VWDE: variants seen among roughly 807,000 people sequenced by gnomAD.
VWDE encodes the protein von Willebrand factor D and EGF domain-containing protein.
Under a neutral mutation model 178.4 loss-of-function variants are expected in VWDE, and 207 were observed. That is an observed-to-expected ratio of 1.16 (90% CI 1.04 to 1.30). The LOEUF (loss-of-function observed/expected upper bound fraction) is 1.30. Among genes scored for constraint, VWDE ranks in the 50% most tolerant of loss-of-function variants. The probability of loss-of-function intolerance (pLI) is 0.00; values close to 1 mark genes in which losing one functional copy is unlikely to be tolerated. For synonymous variants in VWDE, 738 were observed against 651.4 expected (o/e 1.13, Z -2.02); for missense variants, 2,287 against 1,901.3 (o/e 1.20, Z -3.77).
rs1783297777 is a variant in VWDE, at chr7:12,373,033, G to A, written c.1531C>T (p.Gln511Ter). ...ATCTTGATATTCCTGGTTACATCTTGGCTTTTTATGAACAAATATGGTTGT... is the reference window on the plus strand; with the variant it reads ...ATCTTGATATTCCTGGTTACATCTTAGCTTTTTATGAACAAATATGGTTGT... ...ESQPYLFIKS[Q>*]DVTRNIKISE... Residue 511 changes from glutamine (Q) to a stop codon, truncating the protein, a stop_gained, in exon 10 of 29, where the codon CAA (glutamine) becomes TAA (stop). Coordinates refer to ENST00000275358, the MANE Select transcript of VWDE (RefSeq NM_001135924.3). LOFTEE classifies it high-confidence loss of function. 1 of 1,551,140 alleles carries A rather than the reference G, an allele frequency of 6.4e-7. No individual in the cohort carries two copies. The highest frequency in any genetic ancestry group is 8.7e-7 in the Non-Finnish European group (1 of 1,146,648).
chr7:12,380,786 G>A lies in VWDE; in HGVS notation c.542-53C>T, dbSNP rs1322869205. On this transcript the variant is annotated intron_variant, in intron 4 of 28. Transcript: ENST00000275358. ...TGGGAATCTTAGACAATGGAGACTGGCTTATGGAAAAAGCACTCAAAGACT... is the reference window on the plus strand; with the variant it reads ...TGGGAATCTTAGACAATGGAGACTGACTTATGGAAAAAGCACTCAAAGACT... 2.6e-6 allele frequency: 4 copies of A among 1,532,108 alleles called. No individual in the cohort carries two copies. The South Asian group carries it at 3.7e-5, about 14-fold the overall frequency. 94.9% of individuals were successfully genotyped at this position (1,532,108 alleles called of 1,614,324 possible). A position where few individuals can be genotyped will look rare whatever the true frequency, so the allele number is the denominator to read the frequency against.
intron 18 of VWDE, chr7:12,354,237 C>T (rs980832169): frequency 2.2e-5 from 7 of 322,340 alleles, no homozygotes; most frequent in East Asian, 8.6e-5. Context: ...CAATGCATGA[C>T]ACTTAATGCA....
At chr7:12,399,397 C>G (rs1055362422) in intron 1 of VWDE, among the ~76,000 whole-genome samples, 4 of 152,070 alleles carry the variant, frequency 2.6e-5, no homozygotes, top group African/African-American at 7.2e-5. Flanking sequence ...GTAAACATAA[C>G]TGAACCTAAT....
rs1418290268 is a variant in VWDE, at chr7:12,374,699, ATG to A, written c.1304_1305del (p.Thr435IlefsTer2). 1 of 1,534,396 alleles carries A rather than the reference ATG, an allele frequency of 6.5e-7. No homozygotes were observed. Among genetic ancestry groups the A allele is most frequent in the Non-Finnish European group, 8.8e-7 (1 of 1,140,300 alleles). On this transcript the variant is annotated frameshift_variant, in exon 9 of 29. Transcript: ENST00000275358. LOFTEE classifies it high-confidence loss of function. ...CTTTCAGAAAATTACCTGCCATCAA[ATG>A]TAATTATATGTGGGTCAGTAAATGT... ...CYTFTDPHII[T>X]FDGRVYDNFK...
rs768977517 is a variant in VWDE at position 12,373,251 on chromosome 7, TC to T, written c.1317-5del. ...AGTCTTGAAATTATCATATACCCTA[TC>T]ATTAACAAAAGGCAATTGCATTAAA... is the stretch of plus-strand genomic sequence containing the variant. On this transcript the variant is annotated splice_region_variant and splice_polypyrimidine_tract_variant and intron_variant, in intron 9 of 28. Transcript: ENST00000275358. The T allele has an allele frequency of 8.4e-6, 13 of 1,548,696 alleles. No homozygotes were observed.
intron 18 of VWDE, among the ~76,000 whole-genome samples, chr7:12,355,887 A>T (rs1195904485): frequency 6.6e-6 from 1 of 152,186 alleles, no homozygotes; most frequent in African/African-American, 2.4e-5. Context: ...AGGTTCCTAC[A>T]TTGCTATAAC....
chr7:12,370,066 T>A lies in VWDE; in HGVS notation c.2240A>T (p.Gln747Leu). The A allele has an allele frequency of 1.3e-6, 2 of 1,551,572 alleles. No homozygotes were observed. The highest frequency in any genetic ancestry group is 1.2e-5 in the South Asian group (1 of 84,066). Residue 747 changes from glutamine (Q) to leucine (L), a missense_variant, in exon 12 of 29, where the codon CAA (glutamine) becomes CTA (leucine). Transcript: ENST00000275358. ...SHSQEMRYNR[Q>L]NRWKRQNFHE... ...AAAGTTCTGCCGTTTCCATCTGTTT[T>A]GTCGATTGTACCTCATTTCTTGGCT...
chr7:12,397,677 G>A (rs1037022550), intron 1 of VWDE, among the ~76,000 whole-genome samples: 3 of 152,052 alleles, frequency 2.0e-5, no homozygotes, highest in Admixed American at 2.0e-4. Context: ...TCTGAAAAAG[G>A]TCTAATATCC....
intron 24 of VWDE, among the ~76,000 whole-genome samples, chr7:12,339,775 C>G (rs905098887): frequency 5.3e-5 from 8 of 152,072 alleles, no homozygotes; most frequent in South Asian, 2.1e-4. Flanking sequence ...CTCAAGACAT[C>G]CCCATTATTC....
intron 23 of VWDE, 139 bp downstream of exon 23, chr7:12,341,920 A>G (rs542020219): frequency 2.1e-4 from 123 of 578,918 alleles, no homozygotes; most frequent in African/African-American, 1.9e-3. Flanking sequence ...AGTTTTAAAA[A>G]TCTGTCTGAA....
At chr7:12,387,866 T>C (rs1288616571) in intron 3 of VWDE, among the ~76,000 whole-genome samples, 2 of 151,056 alleles carry the variant, frequency 1.3e-5, no homozygotes, top group Non-Finnish European at 1.5e-5. Flanking sequence ...GGTAACTAAA[T>C]TGGGGTTTGA....
intron 16 of VWDE, 134 bp from the exon 17 acceptor site, chr7:12,357,649 T>A: frequency 2.0e-6 from 2 of 1,020,412 alleles, no homozygotes; most frequent in Non-Finnish European, 2.8e-6. Flanking sequence ...TGCTTTCATT[T>A]TTTTTTTTAA....
Position 12,374,917 on chromosome 7 carries a change from A to G in VWDE, c.1242+93T>C, listed in dbSNP as rs1460698706. 22 of 1,312,130 alleles carry G rather than the reference A, an allele frequency of 1.7e-5. No homozygotes were observed. The African/African-American group carries it at 1.8e-4, about 11-fold the overall frequency. The allele number at this position is 1,312,130 out of a possible 1,614,324, so 81.3% of individuals were successfully genotyped here. ...CATTTAAAAACTAATTTACCAAAAA[A>G]TTTTTTACATAAAAAGTTTATAAGA... is the stretch of plus-strand genomic sequence containing the variant. On this transcript the variant is annotated intron_variant, in intron 8 of 28. Transcript: ENST00000275358.
At chr7:12,341,434 C>A (rs1386963652) in intron 23 of VWDE, among the ~76,000 whole-genome samples, 2 of 152,018 alleles carry the variant, frequency 1.3e-5, no homozygotes, top group African/African-American at 2.4e-5. Flanking sequence ...GAGTTTGAGA[C>A]CAGTCTGACC....
chr7:12,356,394 A>G, intron 17 of VWDE, 64 bp from the exon 18 acceptor site: 1 of 1,355,386 alleles, frequency 7.4e-7, no homozygotes, highest in Non-Finnish European at 1.0e-6. Flanking sequence ...TTTATGCCCC[A>G]GAAATCATGA....
At chr7:12,397,232 A>T (rs1252497641) in intron 1 of VWDE, among the ~76,000 whole-genome samples, 2 of 152,136 alleles carry the variant, frequency 1.3e-5, no homozygotes, top group Admixed American at 1.3e-4. Context: ...ACACAGACCA[A>T]TGGAACAGAA....
chr7:12,355,069 A>T (rs1782152921), intron 18 of VWDE, among the ~76,000 whole-genome samples: 1 of 152,148 alleles, frequency 6.6e-6, no homozygotes, highest in Non-Finnish European at 1.5e-5. Context: ...ATTCTTTCAA[A>T]TAGAGTCTAC....
chr7:12,337,178 T>G lies in VWDE; in HGVS notation c.4461A>C (p.Lys1487Asn), dbSNP rs1166150048. The G allele has an allele frequency of 6.4e-7, 1 of 1,551,786 alleles. No homozygotes were observed. Residue 1487 changes from lysine to asparagine, a missense_variant and splice_region_variant, in exon 25 of 29, where the codon AAA (lysine) becomes AAC (asparagine). Transcript: ENST00000275358. ...CAAATACATTTAGTGATGTCTTACT[T>G]TTTTGGAATCTCCTACCAGTGTATC... ...REGYTGRRFQ[K>N]SICDPTCMNG...
At chr7:12,352,279 T>G (rs7787405) in intron 18 of VWDE, among the ~76,000 whole-genome samples, 18,107 of 152,262 alleles carry the variant, frequency 0.12, 1,170 homozygotes, top group East Asian at 0.19. Context: ...CACAGAACTT[T>G]GCCCTTCATG....
Sources: gnomAD v4.1 joint callset for allele counts (sites outside exome capture counted in the v4.1 genomes callset) on GRCh38, gnomAD v4.1.1 for gene constraint, MANE v1.5 for transcripts, NCBI Gene and HGNC (gene_info 2026-07-23, HGNC 2026-07-21) for gene names.